The following MFN1 variants were observed in gnomAD, a reference collection of about 807,000 sequenced individuals.
MFN1 encodes mitofusin-1.
In MFN1, 65 loss-of-function variants were observed where a neutral mutation model predicts 92.4. The observed-to-expected ratio is 0.70, with a 90% CI of 0.58 to 0.86. The LOEUF (loss-of-function observed/expected upper bound fraction) is 0.86. Among genes scored for constraint, MFN1 ranks in the 40% least tolerant of loss-of-function variants. MFN1 has a pLI of 0.00. For missense variants in MFN1, 781 were observed against 868.0 expected (o/e 0.90, Z 1.26); for synonymous variants, 297 against 300.9 (o/e 0.99, Z 0.13).
chr3:179,383,275 CT>C (rs1713543213), intron 14 of MFN1, among the ~76,000 whole-genome samples: 1 of 152,140 alleles, frequency 6.6e-6, no homozygotes, highest in Non-Finnish European at 1.5e-5. Flanking sequence ...CCAGTTTCAG[CT>C]TTGTACATAT....
At position 179,373,174 on chromosome 3, in the gene MFN1, A is replaced by G. The variant is rs543841795; in HGVS notation, c.976-2046A>G. On this transcript the variant is annotated intron_variant, in intron 9 of 17. Coordinates refer to ENST00000471841, the MANE Select transcript of MFN1 (RefSeq NM_033540.3). ...TAAATTAATTACCCTCATGTGCTCT[A>G]TAGCTAAATAATCTGTTTTGTTTTC... Among the ~76,000 whole-genome samples the G allele has an allele frequency of 4.9e-4, 75 of 152,342 alleles. 3 individuals carry two copies. The South Asian group carries it at 0.015, about 31-fold the overall frequency.
At chr3:179,349,284 G>A (rs1460364903) in intron 2 of MFN1, among the ~76,000 whole-genome samples, 2 of 152,128 alleles carry the variant, frequency 1.3e-5, no homozygotes, top group Admixed American at 6.5e-5. Flanking sequence ...TCAAAGAAAA[G>A]TTAAACAGTT....
rs1336019147 is a variant in MFN1, at chr3:179,386,576, AC to A, written c.1960del (p.Leu654Ter). The A allele has an allele frequency of 6.2e-7, 1 of 1,613,984 alleles. No homozygotes were observed. Among genetic ancestry groups the A allele is most frequent in the African/African-American group, 1.3e-5 (1 of 74,916 alleles). The stretch of plus-strand genomic sequence containing the variant: ...AGTTTGTAAACTATGCAACTGAAAA[AC>A]TGAGGATGATTGTTAGCTCCACGAG... ...QQFVNYATEK[L>X]RMIVSSTSAN... is the part of the protein sequence containing the mutation. On this transcript the variant is annotated frameshift_variant, in exon 16 of 18. Coordinates refer to ENST00000471841, the MANE Select transcript of MFN1 (RefSeq NM_033540.3). LOFTEE classifies it high-confidence loss of function.
At chr3:179,351,634 A>G (rs1202497863) in intron 2 of MFN1, among the ~76,000 whole-genome samples, 2 of 152,170 alleles carry the variant, frequency 1.3e-5, no homozygotes, top group Non-Finnish European at 2.9e-5. Context: ...TTAGAAATGT[A>G]TTCTTGTCTC....
At chr3:179,364,166 A>G in intron 5 of MFN1, 131 bp from the exon 6 acceptor site, 1 of 568,230 alleles carries the variant, frequency 1.8e-6, no homozygotes, top group Non-Finnish European at 3.0e-6. Flanking sequence ...AAAATTTCCT[A>G]GACTTCTTAC....
At chr3:179,362,667 T>C (rs1712629322) in intron 5 of MFN1, among the ~76,000 whole-genome samples, 185 bp downstream of exon 5, 1 of 152,222 alleles carries the variant, frequency 6.6e-6, no homozygotes, top group Non-Finnish European at 1.5e-5. Flanking sequence ...AATTCATCAC[T>C]CTGATTCCAT....
chr3:179,370,689 C>T (rs1473561372), intron 9 of MFN1, among the ~76,000 whole-genome samples: 1 of 152,098 alleles, frequency 6.6e-6, no homozygotes, highest in Non-Finnish European at 1.5e-5. Flanking sequence ...GGACTACAGG[C>T]GTGAGCCACC....
intron 9 of MFN1, among the ~76,000 whole-genome samples, chr3:179,374,688 C>T (rs1362831911): frequency 2.0e-5 from 3 of 152,036 alleles, no homozygotes; most frequent in Non-Finnish European, 2.9e-5. Context: ...TTAGATGTTA[C>T]ATTGTTAAAT....
In MFN1 at chr3:179,393,831, CA is replaced by C. The variant is rs1237950395; in HGVS notation, c.*1775del. 5.3e-5 allele frequency: 8 copies of C among 152,176 alleles called. No individual in the cohort carries two copies. Among genetic ancestry groups the C allele is most frequent in the African/African-American group, 1.9e-4 (8 of 41,428 alleles). The allele number at this position is 152,176 out of a possible 1,614,324, so 9.4% of individuals were successfully genotyped here. On this transcript the variant is annotated 3_prime_UTR_variant, in exon 18 of 18. Transcript: ENST00000471841. ...CTCATTAGTATAGTACAGTGGTTCT[CA>C]AAGTTTGGTCCTGGGTCATCGACAT...
chr3:179,349,679 T>C (rs534232889), intron 2 of MFN1, among the ~76,000 whole-genome samples: 1 of 152,024 alleles, frequency 6.6e-6, no homozygotes, highest in Admixed American at 6.5e-5. Flanking sequence ...CTGACTAATT[T>C]TTGTGTTTTT....
chr3:179,366,578 A>C (rs565767182), intron 7 of MFN1, among the ~76,000 whole-genome samples: 36 of 152,294 alleles, frequency 2.4e-4, no homozygotes, highest in African/African-American at 8.4e-4. Context: ...TCACATGATA[A>C]AATTATTTGC....
intron 14 of MFN1, among the ~76,000 whole-genome samples, chr3:179,382,561 AT>A (rs1281225112): frequency 6.6e-6 from 1 of 152,168 alleles, no homozygotes; most frequent in Non-Finnish European, 1.5e-5. Context: ...TAGCACCATG[AT>A]TTATATTCCT....
chr3:179,368,766 G>T (rs539106322), intron 9 of MFN1, among the ~76,000 whole-genome samples: 61 of 152,274 alleles, frequency 4.0e-4, no homozygotes, highest in Non-Finnish European at 7.4e-4. Context: ...TGACTGAATA[G>T]TTCTTTAGAT....
chr3:179,362,732 G>C (rs745641605), intron 5 of MFN1, among the ~76,000 whole-genome samples: 33 of 152,154 alleles, frequency 2.2e-4, no homozygotes, highest in Non-Finnish European at 5.9e-5. Flanking sequence ...GTGCCGCAGT[G>C]CCACGATCTT....
chr3:179,375,160 A>T, intron 9 of MFN1, 60 bp from the exon 10 acceptor site: 1 of 1,475,356 alleles, frequency 6.8e-7, no homozygotes, highest in South Asian at 1.4e-5. Flanking sequence ...TTTGTGTTTA[A>T]ATTCCTGAAA....
chr3:179,360,687 A>G (rs1482374364), intron 4 of MFN1, among the ~76,000 whole-genome samples: 1 of 152,174 alleles, frequency 6.6e-6, no homozygotes, highest in Admixed American at 6.5e-5. Flanking sequence ...CAAACACAAA[A>G]GTTCAGTGCT....
chr3:179,372,690 A>G (rs1713071028), intron 9 of MFN1, among the ~76,000 whole-genome samples: 1 of 152,154 alleles, frequency 6.6e-6, no homozygotes, highest in African/African-American at 2.4e-5. Flanking sequence ...TTGCCTAATA[A>G]CTTTTGGAGA....
At chr3:179,364,470 G>GAAA in intron 6 of MFN1, 65 bp downstream of exon 6, 2 of 1,246,962 alleles carry the variant, frequency 1.6e-6, no homozygotes, top group Non-Finnish European at 2.3e-6. Flanking sequence ...TTTTAATTCT[G>GAAA]AAAAGCAAGG....
chr3:179,349,055 G>C (rs1461251697), intron 2 of MFN1, 92 bp downstream of exon 2: 1 of 982,056 alleles, frequency 1.0e-6, no homozygotes, highest in East Asian at 2.5e-5. Flanking sequence ...ACATGTATAG[G>C]GCATTATACT....
Sources: allele counts gnomAD v4.1 joint callset (sites outside exome capture counted in the v4.1 genomes callset), GRCh38; gene constraint gnomAD v4.1.1; transcripts MANE v1.5; gene names NCBI Gene and HGNC (gene_info 2026-07-23, HGNC 2026-07-21).